The following FAM13A variants were observed in gnomAD, a reference collection of about 807,000 sequenced individuals.
The protein encoded by FAM13A is family with sequence similarity 13 member A, also known as protein FAM13A.
In FAM13A, 76 loss-of-function variants were observed where a neutral mutation model predicts 129.6. The observed-to-expected ratio is 0.59, with a 90% CI of 0.49 to 0.71. The LOEUF (loss-of-function observed/expected upper bound fraction) is 0.71, where lower values mean the gene tolerates loss of function less well. Among genes scored for constraint, FAM13A ranks in the 30% least tolerant of loss-of-function variants. The pLI, the probability that FAM13A is intolerant of heterozygous loss-of-function variation, is 0.00. For synonymous variants in FAM13A, 443 were observed against 449.9 expected, an observed-to-expected ratio of 0.98 and a Z score of 0.20; for missense variants, 1,108 against 1,249.3, an observed-to-expected ratio of 0.89 and a Z score of 1.70.
At chr4:89,017,177 A>C (rs1373925457) in intron 3 of FAM13A, among the ~76,000 whole-genome samples, 1 of 152,204 alleles carries the variant, frequency 6.6e-6, no homozygotes, top group East Asian at 1.9e-4. Flanking sequence ...TATTTATGTC[A>C]TTGATGCTTA....
rs985786525 is a variant in FAM13A at position 88,873,270 on chromosome 4, G to A, written c.844-22087C>T. 4.5e-4 allele frequency among the ~76,000 whole-genome samples: 68 copies of A among 152,086 alleles called. 1 individual carries two copies. The Middle Eastern group carries it at 0.01, about 23-fold the overall frequency. ...CAAACACATTCAAAAGCTAGCAGAA[G>A]GCAAGAAATAACTAAAATCAGAGCA... is the stretch of plus-strand genomic sequence containing the variant. On this transcript the variant is annotated intron_variant, in intron 6 of 23. Coordinates refer to ENST00000264344, the MANE Select transcript of FAM13A (RefSeq NM_014883.4).
chr4:88,783,576 G>A (rs890964797), intron 10 of FAM13A, among the ~76,000 whole-genome samples: 3 of 152,232 alleles, frequency 2.0e-5, no homozygotes, highest in East Asian at 1.9e-4. Flanking sequence ...GAGCCACTGC[G>A]CCCAGCCCCA....
At chr4:88,904,611 C>T (rs1345764499) in intron 6 of FAM13A, among the ~76,000 whole-genome samples, 3 of 152,018 alleles carry the variant, frequency 2.0e-5, no homozygotes, top group African/African-American at 7.2e-5. Flanking sequence ...CACTGGGACC[C>T]GTCAGTGGGG....
At chr4:88,896,322 ATGAC>A (rs1746315854) in intron 6 of FAM13A, among the ~76,000 whole-genome samples, 1 of 151,894 alleles carries the variant, frequency 6.6e-6, no homozygotes, top group Non-Finnish European at 1.5e-5. Context: ...CTAATGCTAG[ATGAC>A]GAGTTAGTGG....
intron 7 of FAM13A, among the ~76,000 whole-genome samples, chr4:88,846,799 T>C (rs987425377): frequency 1.3e-5 from 2 of 152,220 alleles, no homozygotes; most frequent in East Asian, 3.9e-4. Flanking sequence ...AAGTAGAAGA[T>C]TTGGAGAAAG....
chr4:88,894,818 G>A (rs1398049840), intron 6 of FAM13A, among the ~76,000 whole-genome samples: 4 of 152,164 alleles, frequency 2.6e-5, no homozygotes, highest in Non-Finnish European at 2.9e-5. Context: ...CACCACACAT[G>A]GCCTAATTTA....
intron 13 of FAM13A, among the ~76,000 whole-genome samples, chr4:88,765,715 A>G (rs1745604984): frequency 6.6e-6 from 1 of 152,194 alleles, no homozygotes; most frequent in Non-Finnish European, 1.5e-5. Context: ...AATCATCCCA[A>G]TCTTGTGGAA....
At chr4:88,920,921 C>T (rs1476803792) in intron 5 of FAM13A, among the ~76,000 whole-genome samples, 3 of 151,816 alleles carry the variant, frequency 2.0e-5, no homozygotes, top group Admixed American at 6.6e-5. Context: ...CCTCAGGAGC[C>T]GATGTGATCA....
At chr4:88,882,381 A>G (rs1320640986) in intron 6 of FAM13A, among the ~76,000 whole-genome samples, 2 of 152,154 alleles carry the variant, frequency 1.3e-5, no homozygotes, top group African/African-American at 4.8e-5. Context: ...CAGTGAAACT[A>G]AGCTTCATAA....
At chr4:88,832,060 T>C (rs556739410) in intron 7 of FAM13A, among the ~76,000 whole-genome samples, 28 of 152,160 alleles carry the variant, frequency 1.8e-4, no homozygotes, top group African/African-American at 4.3e-4. Context: ...TGGAACAGAA[T>C]AGAGAACTCA....
chr4:88,826,279 T>C (rs977944348), intron 7 of FAM13A, among the ~76,000 whole-genome samples: 2 of 145,846 alleles, frequency 1.4e-5, no homozygotes, highest in Admixed American at 7.0e-5. Flanking sequence ...CCACAGAGGA[T>C]AGCCTGCAAT....
chr4:88,944,598 G>T (rs1202683588), intron 4 of FAM13A, among the ~76,000 whole-genome samples: 1 of 152,146 alleles, frequency 6.6e-6, no homozygotes, highest in East Asian at 1.9e-4. Context: ...CTAGAGTTAA[G>T]ATGCTTTTAA....
At chr4:88,954,591 G>T (rs188579279) in intron 4 of FAM13A, among the ~76,000 whole-genome samples, 4 of 152,254 alleles carry the variant, frequency 2.6e-5, no homozygotes. Context: ...TGTTCAAAAT[G>T]CTATGAGAAT....
At chr4:88,933,974 C>T (rs1227114783) in intron 5 of FAM13A, among the ~76,000 whole-genome samples, 1 of 152,042 alleles carries the variant, frequency 6.6e-6, no homozygotes, top group Non-Finnish European at 1.5e-5. Context: ...GTTTCAATTC[C>T]ATCTTGCTCA....
intron 6 of FAM13A, among the ~76,000 whole-genome samples, chr4:88,870,192 C>T (rs1014278572): frequency 4.6e-5 from 7 of 152,126 alleles, no homozygotes; most frequent in South Asian, 2.1e-4. Context: ...GGAACAGCTC[C>T]GGTCTGCAGC....
intron 20 of FAM13A, among the ~76,000 whole-genome samples, chr4:88,738,787 G>T (rs1177598310): frequency 6.6e-6 from 1 of 152,142 alleles, no homozygotes; most frequent in Non-Finnish European, 1.5e-5. Flanking sequence ...GGCAAAGCAT[G>T]TCCTCCAAAA....
intron 13 of FAM13A, among the ~76,000 whole-genome samples, chr4:88,763,917 C>T (rs1745263360): frequency 1.3e-5 from 2 of 152,050 alleles, no homozygotes; most frequent in African/African-American, 2.4e-5. Context: ...GATTTGGAAG[C>T]GAATTTGAAG....
At chr4:88,867,377 A>G (rs1740630121) in intron 6 of FAM13A, among the ~76,000 whole-genome samples, 1 of 152,212 alleles carries the variant, frequency 6.6e-6, no homozygotes, top group African/African-American at 2.4e-5. Context: ...GAGGGAAATT[A>G]TGAACAGAAA....
intron 19 of FAM13A, among the ~76,000 whole-genome samples, chr4:88,740,312 T>C (rs564055844): frequency 6.6e-6 from 1 of 152,310 alleles, no homozygotes; most frequent in South Asian, 2.1e-4. Flanking sequence ...CACTTTACTG[T>C]AGCGATATGT....
Sources: allele counts gnomAD v4.1 joint callset (sites outside exome capture counted in the v4.1 genomes callset), GRCh38; gene constraint gnomAD v4.1.1; transcripts MANE v1.5; gene names NCBI Gene and HGNC (gene_info 2026-07-23, HGNC 2026-07-21).